Variants in AFF2 observed in about 807,000 individuals in gnomAD.
The protein encoded by AFF2 is AF4/FMR2 family member 2.
Under a neutral mutation model 76.9 loss-of-function variants are expected in AFF2, and 14 were observed. That is an observed-to-expected ratio of 0.18 (90% CI 0.12 to 0.28). AFF2 has a LOEUF of 0.28. Ranked by LOEUF, AFF2 falls within the 10% of genes least tolerant of loss-of-function variation. The pLI is 1.00. For synonymous variants in AFF2, 398 were observed against 366.7 expected, an observed-to-expected ratio of 1.09 and a Z score of -0.98; for missense variants, 868 against 1,001.1, an observed-to-expected ratio of 0.87 and a Z score of 1.79.
chrX:148,710,396 T>C (rs782046898), intron 3 of AFF2, among the ~76,000 whole-genome samples: 1 of 112,112 alleles, frequency 8.9e-6, no homozygotes, highest in East Asian at 2.8e-4. Context: ...TTATAATTTT[T>C]CTAGGCTTCT....
chrX:148,901,695 A>G (rs1557280906), intron 8 of AFF2, among the ~76,000 whole-genome samples: 1 of 112,438 alleles, frequency 8.9e-6, no homozygotes, highest in Non-Finnish European at 1.9e-5. Flanking sequence ...TCATTTGCAC[A>G]TAAATAATTC....
At chrX:148,544,257 C>T (rs961910251) in intron 1 of AFF2, among the ~76,000 whole-genome samples, 4 of 112,619 alleles carry the variant, frequency 3.6e-5, no homozygotes, top group Middle Eastern at 9.3e-3. Context: ...CCAGTCCTTT[C>T]CAAGTTGAAA....
At chrX:148,506,534 A>G (rs1300090165) in intron 1 of AFF2, among the ~76,000 whole-genome samples, 1 of 110,787 alleles carries the variant, frequency 9.0e-6, no homozygotes, top group Non-Finnish European at 1.9e-5. Context: ...ATCTCTTAGC[A>G]TGTCATTTAT....
At chrX:148,619,760 A>G (rs935385711) in intron 1 of AFF2, among the ~76,000 whole-genome samples, 5 of 111,684 alleles carry the variant, frequency 4.5e-5, no homozygotes, top group Non-Finnish European at 9.4e-5. Context: ...AATATATAAC[A>G]ACAGTTTTTC....
intron 1 of AFF2, among the ~76,000 whole-genome samples, chrX:148,518,255 C>A (rs1401410269): frequency 4.5e-5 from 5 of 111,497 alleles, no homozygotes; most frequent in South Asian, 3.8e-4. Context: ...GCTAAAAAAA[C>A]CAAACAGAGC....
At chrX:148,937,974 A>G (rs1557285197) in intron 9 of AFF2, among the ~76,000 whole-genome samples, 1 of 112,450 alleles carries the variant, frequency 8.9e-6, no homozygotes, top group African/African-American at 3.2e-5. Flanking sequence ...ATTATAGTCC[A>G]AGCACTTGGC....
chrX:148,529,272 A>C (rs2052701458), intron 1 of AFF2, among the ~76,000 whole-genome samples: 1 of 111,756 alleles, frequency 8.9e-6, no homozygotes, highest in South Asian at 3.8e-4. Context: ...ACTGCCATGC[A>C]TGACCCCATG....
chrX:148,593,367 C>A (rs1169321905), intron 1 of AFF2, among the ~76,000 whole-genome samples: 1 of 112,266 alleles, frequency 8.9e-6, no homozygotes, highest in African/African-American at 3.2e-5. Context: ...TGGCAAAGAA[C>A]GTAAGTTTTG....
intron 13 of AFF2, among the ~76,000 whole-genome samples, chrX:148,966,363 A>G (rs1557288680): frequency 9.0e-6 from 1 of 111,358 alleles, no homozygotes; most frequent in African/African-American, 3.3e-5. Flanking sequence ...TTCCCTTATC[A>G]AAAATACCCA....
intron 3 of AFF2, among the ~76,000 whole-genome samples, chrX:148,670,829 A>G (rs781926940): frequency 4.5e-5 from 5 of 111,899 alleles, no homozygotes; most frequent in Non-Finnish European, 9.4e-5. Flanking sequence ...CGAACTGGCT[A>G]TTTTATACCA....
intron 1 of AFF2, among the ~76,000 whole-genome samples, chrX:148,634,353 G>A (rs2054008460): frequency 9.0e-6 from 1 of 111,711 alleles, no homozygotes; most frequent in Admixed American, 9.5e-5. Context: ...ACTGTAATAT[G>A]TAAACATGAC....
intron 9 of AFF2, among the ~76,000 whole-genome samples, chrX:148,935,488 T>G (rs2071764298): frequency 9.0e-6 from 1 of 111,303 alleles, no homozygotes; most frequent in Non-Finnish European, 1.9e-5. Context: ...TCCTTTTCTA[T>G]ATCAGTAGCT....
At chrX:148,611,968 TA>T (rs1292078830) in intron 1 of AFF2, among the ~76,000 whole-genome samples, 2 of 112,178 alleles carry the variant, frequency 1.8e-5, no homozygotes, top group African/African-American at 6.5e-5. Flanking sequence ...TATTTCTTGA[TA>T]ACAGCATGTG....
At chrX:148,740,114 T>A (rs1283479155) in intron 3 of AFF2, among the ~76,000 whole-genome samples, 2 of 111,853 alleles carry the variant, frequency 1.8e-5, no homozygotes, top group African/African-American at 3.3e-5. Flanking sequence ...GATAACCCAA[T>A]GACAATGTGC....
chrX:148,836,746 T>C (rs1557273837), intron 4 of AFF2, among the ~76,000 whole-genome samples: 1 of 111,632 alleles, frequency 9.0e-6, no homozygotes, highest in East Asian at 2.8e-4. Flanking sequence ...GTTGGCCACA[T>C]GCCCTAAGAC....
At chrX:148,539,289 A>G (rs1330386974) in intron 1 of AFF2, among the ~76,000 whole-genome samples, 1 of 111,347 alleles carries the variant, frequency 9.0e-6, no homozygotes, top group Non-Finnish European at 1.9e-5. Context: ...TTTATGGATG[A>G]TATTAGAGAA....
intron 1 of AFF2, among the ~76,000 whole-genome samples, chrX:148,623,436 C>T (rs957244159): frequency 2.7e-5 from 3 of 110,574 alleles, no homozygotes; most frequent in Admixed American, 9.7e-5. Context: ...TTCCACTGTG[C>T]CTAGCTTAGT....
chrX:148,614,793 C>CTTTCTTA, intron 1 of AFF2, among the ~76,000 whole-genome samples: 1 of 41,129 alleles, frequency 2.4e-5, no homozygotes. Flanking sequence ...TTTCTTTCTT[C>CTTTCTTA]CTTTCTCTCT....
At chrX:148,732,469 A>G (rs1292598426) in intron 3 of AFF2, among the ~76,000 whole-genome samples, 1 of 90,504 alleles carries the variant, frequency 1.1e-5, no homozygotes, top group Admixed American at 1.2e-4. Context: ...AGATATACCT[A>G]ATGCTAGATG....
Sources: allele counts gnomAD v4.1 joint callset (sites outside exome capture counted in the v4.1 genomes callset), GRCh38; gene constraint gnomAD v4.1.1; transcripts MANE v1.5; gene names NCBI Gene and HGNC (gene_info 2026-07-23, HGNC 2026-07-21).